The following SLC30A3 variants were observed in gnomAD, a reference collection of about 807,000 sequenced individuals.
The protein encoded by SLC30A3 is solute carrier family 30 member 3, also known as probable proton-coupled zinc antiporter SLC30A3.
In SLC30A3, 20 loss-of-function variants were observed where a neutral mutation model predicts 35.6. The ratio of observed to expected loss-of-function variants is 0.56; its 90% CI spans 0.39 to 0.82. The LOEUF is 0.82. Among genes scored for constraint, SLC30A3 ranks in the 40% least tolerant of loss-of-function variants. The pLI is 0.00. For synonymous variants in SLC30A3, 217 were observed against 224.7 expected, an observed-to-expected ratio of 0.97 and a Z score of 0.31; for missense variants, 401 against 530.6, an observed-to-expected ratio of 0.76 and a Z score of 2.40.
Position 27,262,786 on chromosome 2 carries a change from C to T in SLC30A3, c.95+26G>A. The stretch of plus-strand genomic sequence containing the variant: ...GGGTAGTAGGGTGGCGCCCCCGGGC[C>T]GAGGGCCAGCCCAGGTCTGTCCTAC... On this transcript the variant is annotated intron_variant, in intron 1 of 7. Coordinates refer to ENST00000233535, the MANE Select transcript of SLC30A3 (RefSeq NM_003459.5). This position sits in a 1 kb window ranked among gnomAD's most constrained non-coding sequence, Gnocchi z 7.5. 1 of 1,519,886 alleles carries T rather than the reference C, an allele frequency of 6.6e-7. No homozygotes were observed. The highest frequency in any genetic ancestry group is 8.8e-7 in the Non-Finnish European group (1 of 1,141,018). 94.1% of individuals were successfully genotyped at this position (1,519,886 alleles called of 1,614,324 possible). A position where few individuals can be genotyped will look rare whatever the true frequency, so the allele number is the denominator to read the frequency against.
chr2:27,255,671 T>C lies in SLC30A3; in HGVS notation c.1019-211A>G. 1.7e-6 allele frequency: 1 copy of C among 580,016 alleles called. No individual in the cohort carries two copies. 35.9% of individuals were successfully genotyped at this position (580,016 alleles called of 1,614,324 possible). A position where few individuals can be genotyped will look rare whatever the true frequency, so the allele number is the denominator to read the frequency against. On this transcript the variant is annotated intron_variant, in intron 7 of 7. Transcript: ENST00000233535. The surrounding 1 kb of genome is among the most constrained non-coding windows in gnomAD (Gnocchi z 5.2). Reference sequence around the variant, plus strand: ...TCAACCATGCTAACACACTAAACTCTTTCCAGTCTCCTATTCTCTCCTGTC... The same window carrying C: ...TCAACCATGCTAACACACTAAACTCCTTCCAGTCTCCTATTCTCTCCTGTC...
upstream of SLC30A3, among the ~76,000 whole-genome samples, chr2:27,264,315 C>T (rs372476604): frequency 4.2e-4 from 64 of 152,256 alleles, no homozygotes; most frequent in African/African-American, 1.5e-3. The surrounding 1 kb of genome is among the most constrained non-coding windows in gnomAD (Gnocchi z 6.1). Flanking sequence ...ATTGTTATTC[C>T]AACGAGCCCA....
At chr2:27,260,299 C>T (rs1178004127) in intron 1 of SLC30A3, among the ~76,000 whole-genome samples, 2 of 152,156 alleles carry the variant, frequency 1.3e-5, no homozygotes, top group African/African-American at 4.8e-5. Context: ...GTGCAGCCTG[C>T]TATGGCTGAG....
chr2:27,270,825 G>A (rs1677700181), intron 1 of SLC30A3, among the ~76,000 whole-genome samples: 1 of 152,086 alleles, frequency 6.6e-6, no homozygotes, highest in Non-Finnish European at 1.5e-5. Context: ...ACACAATTGG[G>A]TGGGTGGTGG....
rs184813684 is a variant in SLC30A3 at position 27,255,085 on chromosome 2, A to G, written c.*227T>C. 243 of 1,497,036 alleles carry G rather than the reference A, an allele frequency of 1.6e-4. 2 individuals carry two copies. The African/African-American group carries it at 3.1e-3, about 19-fold the overall frequency. 92.7% of individuals were successfully genotyped at this position (1,497,036 alleles called of 1,614,324 possible). ...GAGGCCTGGGAGTCCCCGCCCCTGA[A>G]CTAGTCACATCTATTCCCCTGACTC... is the stretch of plus-strand genomic sequence containing the variant. On this transcript the variant is annotated 3_prime_UTR_variant, in exon 8 of 8. Transcript: ENST00000233535. The surrounding 1 kb of genome is among the most constrained non-coding windows in gnomAD (Gnocchi z 5.2).
In SLC30A3 at chr2:27,275,118, G is replaced by A. The variant is rs971618818; in HGVS notation, c.-159+59C>T. Reference sequence around the variant, plus strand: ...GGAGGGACCAAGCGGAGAGCCCTAAGTCCTGAAGACAACTGGGAAGGTAAC... The same window carrying A: ...GGAGGGACCAAGCGGAGAGCCCTAAATCCTGAAGACAACTGGGAAGGTAAC... On this transcript the variant is annotated intron_variant, in intron 1 of 5. Transcript: ENST00000424577. 10 of 1,183,162 alleles carry A rather than the reference G, an allele frequency of 8.5e-6. No individual in the cohort carries two copies. In the African/African-American group the frequency reaches 1.6e-4, roughly 19 times the overall value. The allele number at this position is 1,183,162 out of a possible 1,614,324, so 73.3% of individuals were successfully genotyped here.
At chr2:27,266,662 G>C (rs187302263), upstream of SLC30A3, among the ~76,000 whole-genome samples, 17 of 152,252 alleles carry the variant, frequency 1.1e-4, no homozygotes, top group East Asian at 3.1e-3. Flanking sequence ...TTGGGAGGCC[G>C]AGGCAGGCAG....
intron 1 of SLC30A3, among the ~76,000 whole-genome samples, chr2:27,269,825 T>A (rs1677658194): frequency 6.6e-6 from 1 of 151,366 alleles, no homozygotes; most frequent in Non-Finnish European, 1.5e-5. Context: ...GCCACTCTAC[T>A]CCAGCCTGGG....
At position 27,262,671 on chromosome 2, in the gene SLC30A3, G is replaced by C; in HGVS notation, c.95+141C>G. The stretch of plus-strand genomic sequence containing the variant: ...CTGGGCGCTCCGTGTGGCCAGAGGG[G>C]ATGAAGCGGGGTGCAGCGGAGCGAG... On this transcript the variant is annotated intron_variant, in intron 1 of 7. Transcript: ENST00000233535. This position sits in a 1 kb window ranked among gnomAD's most constrained non-coding sequence, Gnocchi z 7.5. The C allele has an allele frequency of 1.3e-6, 1 of 798,422 alleles. No individual in the cohort carries two copies. The highest frequency in any genetic ancestry group is 1.9e-6 in the Non-Finnish European group (1 of 539,170). The allele number at this position is 798,422 out of a possible 1,614,324, so 49.5% of individuals were successfully genotyped here. A position where few individuals can be genotyped will look rare whatever the true frequency, so the allele number is the denominator to read the frequency against.
At position 27,255,632 on chromosome 2, in the gene SLC30A3, G is replaced by A. The variant is rs1005048994; in HGVS notation, c.1019-172C>T. On this transcript the variant is annotated intron_variant, in intron 7 of 7. Coordinates refer to ENST00000233535, the MANE Select transcript of SLC30A3 (RefSeq NM_003459.5). This position sits in a 1 kb window ranked among gnomAD's most constrained non-coding sequence, Gnocchi z 5.2. Reference sequence around the variant, plus strand: ...TAAAAGTGTCAAATCAAATGTTGGAGAGACTCACCCCAATCAACCATGCTA... The same window carrying A: ...TAAAAGTGTCAAATCAAATGTTGGAAAGACTCACCCCAATCAACCATGCTA... The A allele has an allele frequency of 5.9e-6, 4 of 679,250 alleles. No homozygotes were observed. The highest frequency in any genetic ancestry group is 1.9e-5 in the South Asian group (1 of 52,704). 42.1% of individuals were successfully genotyped at this position (679,250 alleles called of 1,614,324 possible). A position where few individuals can be genotyped will look rare whatever the true frequency, so the allele number is the denominator to read the frequency against.
chr2:27,265,350 T>G (rs1455550735), upstream of SLC30A3, among the ~76,000 whole-genome samples: 1 of 152,134 alleles, frequency 6.6e-6, no homozygotes, highest in Non-Finnish European at 1.5e-5. The surrounding 1 kb of genome is among the most constrained non-coding windows in gnomAD (Gnocchi z 5.9). Flanking sequence ...ACTTGAAAAT[T>G]TATGTAAGGA....
At chr2:27,259,223 G>A (rs965954401) in intron 1 of SLC30A3, among the ~76,000 whole-genome samples, 4 of 152,168 alleles carry the variant, frequency 2.6e-5, no homozygotes, top group African/African-American at 9.7e-5. Context: ...GGCCGGGAGT[G>A]GTGGCTCACA....
intron 1 of SLC30A3, among the ~76,000 whole-genome samples, chr2:27,273,153 G>T: frequency 6.6e-6 from 1 of 151,392 alleles, no homozygotes; most frequent in African/African-American, 2.4e-5. Context: ...TGAGGAGAGA[G>T]GAGTAGAACC....
rs1676749341 is a variant in SLC30A3 at position 27,254,887 on chromosome 2, G to T, written c.*425C>A. The T allele has an allele frequency of 5.3e-6, 2 of 378,268 alleles. No homozygotes were observed. Among genetic ancestry groups the T allele is most frequent in the Admixed American group, 8.5e-5 (2 of 23,486 alleles). 23.4% of individuals were successfully genotyped at this position (378,268 alleles called of 1,614,324 possible). On this transcript the variant is annotated 3_prime_UTR_variant, in exon 8 of 8. Transcript: ENST00000233535. ...AGAGCGAGGGCCATGTGGGGAGGGG[G>T]CCCCTACTGACCTCCCCCAGGCATA...
chr2:27,272,295 A>G (rs936942126), intron 1 of SLC30A3, among the ~76,000 whole-genome samples: 1 of 152,100 alleles, frequency 6.6e-6, no homozygotes, highest in Non-Finnish European at 1.5e-5. Context: ...TTCCCTAGCT[A>G]AGTGCTTCTG....
At chr2:27,261,779 G>C (rs1322562148) in intron 1 of SLC30A3, among the ~76,000 whole-genome samples, 1 of 152,124 alleles carries the variant, frequency 6.6e-6, no homozygotes, top group Non-Finnish European at 1.5e-5. Flanking sequence ...AGAGATGCCA[G>C]GCCTACGGCA....
chr2:27,257,923 G>A lies in SLC30A3; in HGVS notation c.560C>T (p.Ala187Val). The A allele has an allele frequency of 6.2e-7, 1 of 1,614,082 alleles. No homozygotes were observed. Among genetic ancestry groups the A allele is most frequent in the Non-Finnish European group, 8.5e-7 (1 of 1,179,986 alleles). Residue 187 changes from alanine (A) to valine (V), a missense_variant, in exon 4 of 8, where the codon GCA (alanine) becomes GTA (valine). Ala to Val is a moderately conservative substitution (Grantham distance 64, BLOSUM62 0). Around this residue, in one of 3 missense-constraint regions of SLC30A3, gnomAD observed 296 missense variants for 392.6 expected, o/e 0.75. Transcript: ENST00000233535. The surrounding 1 kb of genome is among the most constrained non-coding windows in gnomAD (Gnocchi z 4.7). ...GGAMLLTASI[A>V]VCANLLMAFV... is the part of the protein sequence containing the mutation. ...GACGTACAACAGGTTGGCACAGACT[G>A]CGATGCTGGCGGTCAGCAGCATGGC... is the stretch of plus-strand genomic sequence containing the variant.
Position 27,256,480 on chromosome 2 carries a change from C to A in SLC30A3, c.924G>T (p.Thr308=). Residue 308 remains threonine, a synonymous_variant, in exon 7 of 8, where the codon ACG becomes ACT. Coordinates refer to ENST00000233535, the MANE Select transcript of SLC30A3 (RefSeq NM_003459.5). ...CCCGGACTCCTGGCACCGACAACAG[C>A]GTATCCCGCACAGGTTCGAACCCCA... The part of the protein sequence containing the change: ...RNVGFEPVRD[T]LLSVPGVRAT... 1 of 1,614,082 alleles carries A rather than the reference C, an allele frequency of 6.2e-7. No individual in the cohort carries two copies. Among genetic ancestry groups the A allele is most frequent in the African/African-American group, 1.3e-5 (1 of 74,996 alleles).
At chr2:27,263,339 GACCA>G, upstream of SLC30A3, 1 of 467,330 alleles carries the variant, frequency 2.1e-6, no homozygotes, top group South Asian at 1.6e-5. Context: ...AGAACCTCAC[GACCA>G]ACCTTCGCCC....
Sources: allele counts gnomAD v4.1 joint callset (sites outside exome capture counted in the v4.1 genomes callset), GRCh38; gene constraint gnomAD v4.1.1; regional missense constraint gnomAD v4.1.1; non-coding constraint Gnocchi (gnomAD v3.1); transcripts MANE v1.5; gene names NCBI Gene and HGNC (gene_info 2026-07-23, HGNC 2026-07-21).